COBLL1: variants seen among roughly 807,000 people sequenced by gnomAD.
COBLL1 encodes cordon-bleu protein-like 1.
Under a neutral mutation model 94.8 loss-of-function variants are expected in COBLL1, and 50 were observed. That is an observed-to-expected ratio of 0.53 (90% CI 0.42 to 0.67). The LOEUF is 0.67. Ranked by LOEUF, COBLL1 falls within the 30% of genes least tolerant of loss-of-function variation. COBLL1 has a pLI of 0.00. For missense variants in COBLL1, 1,362 were observed against 1,348.7 expected (o/e 1.01, Z -0.15); for synonymous variants, 448 against 473.8 (o/e 0.95, Z 0.71).
chr2:164,707,436 C>T (rs1300059199), intron 7 of COBLL1, among the ~76,000 whole-genome samples: 1 of 152,120 alleles, frequency 6.6e-6, no homozygotes, highest in African/African-American at 2.4e-5. Flanking sequence ...CTACCATACC[C>T]GGTCAAATGT....
At chr2:164,792,612 T>G (rs1187867117) in intron 2 of COBLL1, among the ~76,000 whole-genome samples, 1 of 152,188 alleles carries the variant, frequency 6.6e-6, no homozygotes, top group Non-Finnish European at 1.5e-5. Flanking sequence ...TTTCCTCAAC[T>G]TTCAAATTGA....
intron 7 of COBLL1, among the ~76,000 whole-genome samples, chr2:164,712,597 T>G (rs1016157464): frequency 1.3e-5 from 2 of 152,110 alleles, no homozygotes; most frequent in Non-Finnish European, 2.9e-5. Context: ...AAGTTTTAAC[T>G]CTTAACTCTT....
Position 164,841,769 on chromosome 2 carries a change from CT to C in COBLL1, c.-111del. On this transcript the variant is annotated 5_prime_UTR_variant, in exon 1 of 14. Transcript: ENST00000652658. This position sits in a 1 kb window ranked among gnomAD's most constrained non-coding sequence, Gnocchi z 5.5. ...CTCCCTCGCGGCTTCCTCTCCTACT[CT>C]TCCCTTCCCCGGCCCGCGCTCTTGC... is the stretch of plus-strand genomic sequence containing the variant. The C allele has an allele frequency of 3.6e-6, 2 of 558,564 alleles. No homozygotes were observed. The highest frequency in any genetic ancestry group is 4.5e-5 in the South Asian group (2 of 44,398). The allele number at this position is 558,564 out of a possible 1,614,324, so 34.6% of individuals were successfully genotyped here. A position where few individuals can be genotyped will look rare whatever the true frequency, so the allele number is the denominator to read the frequency against.
At chr2:164,697,445 G>A (rs927748070) in intron 11 of COBLL1, 3 of 152,038 alleles carry the variant, frequency 2.0e-5, no homozygotes, top group African/African-American at 7.2e-5. Context: ...ATTTTTCAAT[G>A]TTCATATGAA....
chr2:164,705,210 C>T (rs763005967), intron 7 of COBLL1, 105 bp from the exon 8 acceptor site: 5 of 788,698 alleles, frequency 6.3e-6, no homozygotes, highest in Non-Finnish European at 8.9e-6. Flanking sequence ...CCAAATGGAA[C>T]ATAACAGTCA....
intron 2 of COBLL1, among the ~76,000 whole-genome samples, chr2:164,746,563 A>G (rs902850067): frequency 5.9e-5 from 9 of 152,060 alleles, no homozygotes; most frequent in African/African-American, 2.2e-4. Context: ...AAAATGTACC[A>G]AATACCCCCA....
chr2:164,764,059 C>T (rs1287808780), intron 2 of COBLL1, among the ~76,000 whole-genome samples: 1 of 152,070 alleles, frequency 6.6e-6, no homozygotes, highest in Non-Finnish European at 1.5e-5. Context: ...CCACATCTGG[C>T]TAATTTTTTT....
chr2:164,715,652 G>A (rs181150916), intron 7 of COBLL1, among the ~76,000 whole-genome samples: 1 of 152,020 alleles, frequency 6.6e-6, no homozygotes, highest in East Asian at 1.9e-4. Context: ...CATAAAAGAT[G>A]AATAATGTAA....
At chr2:164,834,962 T>G (rs1683249470) in intron 2 of COBLL1, among the ~76,000 whole-genome samples, 1 of 152,054 alleles carries the variant, frequency 6.6e-6, no homozygotes, top group African/African-American at 2.4e-5. Context: ...CCCATTAGGA[T>G]AGCTGCTACA....
At chr2:164,670,595 A>G (rs536099430) in intron 1 of COBLL1, among the ~76,000 whole-genome samples, 7 of 152,356 alleles carry the variant, frequency 4.6e-5, no homozygotes, top group African/African-American at 1.7e-4. Context: ...CCTGAATTCC[A>G]TCTACTTTTA....
intron 3 of COBLL1, chr2:164,743,165 G>T (rs1384477315): frequency 6.6e-6 from 1 of 151,910 alleles, no homozygotes; most frequent in African/African-American, 2.4e-5. Context: ...ATCATTCAAT[G>T]AAATAAAAAA....
Position 164,684,258 on chromosome 2 carries a change from A to G in COBLL1, c.*1688T>C, listed in dbSNP as rs564193964. ...AGGTAGACTTATCATGAGTTGTAGG[A>G]ACTTTCATATCTTCATAAATTAAGC... is the stretch of plus-strand genomic sequence containing the variant. On this transcript the variant is annotated 3_prime_UTR_variant, in exon 14 of 14. Coordinates refer to ENST00000652658, the MANE Select transcript of COBLL1 (RefSeq NM_001365672.2). 1.4e-4 allele frequency: 22 copies of G among 152,232 alleles called. No homozygotes were observed. In the East Asian group the frequency reaches 4.1e-3, roughly 28 times the overall value. 9.4% of individuals were successfully genotyped at this position (152,232 alleles called of 1,614,324 possible).
chr2:164,768,081 G>A (rs1455142156), intron 2 of COBLL1, among the ~76,000 whole-genome samples: 2 of 152,124 alleles, frequency 1.3e-5, no homozygotes, highest in Admixed American at 6.5e-5. Context: ...CTAGATGCAG[G>A]ATTGCTGGAG....
At chr2:164,801,262 AC>A (rs1210093981) in intron 2 of COBLL1, among the ~76,000 whole-genome samples, 1 of 150,984 alleles carries the variant, frequency 6.6e-6, no homozygotes, top group Non-Finnish European at 1.5e-5. Context: ...ACAAGGTGAA[AC>A]CCCGTCTCTA....
At chr2:164,817,010 G>A (rs183783968) in intron 2 of COBLL1, among the ~76,000 whole-genome samples, 1 of 152,280 alleles carries the variant, frequency 6.6e-6, no homozygotes, top group East Asian at 1.9e-4. Flanking sequence ...AGCTAGCCAG[G>A]GAGTCAGAAC....
In COBLL1 at chr2:164,710,341, A is replaced by G. The variant is rs545628561; in HGVS notation, c.997-5236T>C. 1.0e-3 allele frequency among the ~76,000 whole-genome samples: 153 copies of G among 152,290 alleles called. 1 individual carries two copies. Among genetic ancestry groups the G allele is most frequent in the Non-Finnish European group, 2.0e-3 (134 of 68,024 alleles). Reference sequence around the variant, plus strand: ...ATTTCTAAATAGACTGTAGCCAGGAAAGCACATGTATACACTGGGATTTAC... The same window carrying G: ...ATTTCTAAATAGACTGTAGCCAGGAGAGCACATGTATACACTGGGATTTAC... On this transcript the variant is annotated intron_variant, in intron 7 of 13. Transcript: ENST00000652658.
chr2:164,771,228 T>A (rs563318653), intron 2 of COBLL1, among the ~76,000 whole-genome samples: 1 of 152,050 alleles, frequency 6.6e-6, no homozygotes, highest in African/African-American at 2.4e-5. Flanking sequence ...ACAGATGACG[T>A]TGACCAACAA....
At chr2:164,726,726 T>C (rs1007005480) in intron 5 of COBLL1, among the ~76,000 whole-genome samples, 1 of 152,130 alleles carries the variant, frequency 6.6e-6, no homozygotes, top group Non-Finnish European at 1.5e-5. Context: ...ATATGATTAA[T>C]ATAACACCAT....
chr2:164,736,023 T>C (rs1239216791), intron 3 of COBLL1, among the ~76,000 whole-genome samples: 1 of 152,212 alleles, frequency 6.6e-6, no homozygotes, highest in East Asian at 1.9e-4. Context: ...TTTTCTCTTG[T>C]AAGATAATAT....
Sources: allele counts gnomAD v4.1 joint callset (sites outside exome capture counted in the v4.1 genomes callset), GRCh38; gene constraint gnomAD v4.1.1; non-coding constraint Gnocchi (gnomAD v3.1); transcripts MANE v1.5; gene names NCBI Gene and HGNC (gene_info 2026-07-23, HGNC 2026-07-21).